The following SLC48A1 variants were observed in gnomAD, a reference collection of about 807,000 sequenced individuals.
SLC48A1 encodes the protein heme transporter HRG1.
A neutral mutation model predicts 14.8 loss-of-function variants in SLC48A1; 6 were observed. That is an observed-to-expected ratio of 0.41 (90% CI 0.22 to 0.80). SLC48A1 has a LOEUF of 0.80. SLC48A1 is among the 30% of genes least tolerant of loss of function. The pLI is 0.34. For missense variants in SLC48A1, 165 were observed against 204.8 expected (o/e 0.81, Z 1.19); for synonymous variants, 89 against 90.0 (o/e 0.99, Z 0.06).
intron 2 of SLC48A1, among the ~76,000 whole-genome samples, chr12:47,765,346 G>A (rs1433027674): frequency 1.3e-5 from 2 of 152,184 alleles, no homozygotes; most frequent in African/African-American, 2.4e-5. Context: ...CAGGCCTTGC[G>A]GGGGATAGAG....
intron 1 of SLC48A1, chr12:47,758,759 A>T: frequency 5.2e-5 from 58 of 1,117,600 alleles, no homozygotes; most frequent in Middle Eastern, 3.8e-4. Flanking sequence ...TTGGGTGAGT[A>T]GAGGGGTGGG....
rs2136862406 is a variant in SLC48A1 at position 47,773,456 on chromosome 12, G to C, written c.136+16G>C. ...GGGCTCGCAGGTACCCCGGGACGCTGGGCGGCGCGGGGCGGGTGCGCGGCT... is the reference window on the plus strand; with the variant it reads ...GGGCTCGCAGGTACCCCGGGACGCTCGGCGGCGCGGGGCGGGTGCGCGGCT... On this transcript the variant is annotated intron_variant, in intron 1 of 2. Transcript: ENST00000442218. 7.6e-7 allele frequency: 1 copy of C among 1,320,356 alleles called. No individual in the cohort carries two copies. The highest frequency in any genetic ancestry group is 3.2e-5 in the East Asian group (1 of 31,048). 81.8% of individuals were successfully genotyped at this position (1,320,356 alleles called of 1,614,324 possible).
intron 1 of SLC48A1, chr12:47,758,840 A>G: frequency 8.3e-7 from 1 of 1,204,262 alleles, no homozygotes; most frequent in Non-Finnish European, 1.0e-6. Context: ...GTCTCAGACG[A>G]AGGAGCCAGC....
upstream of SLC48A1, chr12:47,773,180 G>A (rs1421154859): frequency 4.0e-6 from 4 of 989,760 alleles, no homozygotes; most frequent in Non-Finnish European, 4.8e-6. Context: ...CTGGGGGCGG[G>A]CCGGGGGCGG....
intron 2 of SLC48A1, among the ~76,000 whole-genome samples, chr12:47,763,087 G>A (rs530890876): frequency 4.6e-4 from 70 of 152,222 alleles, no homozygotes; most frequent in Admixed American, 4.3e-3. Flanking sequence ...AAATGAACAG[G>A]AACAGTGGGC....
chr12:47,772,675 TA>T (rs57198948), upstream of SLC48A1, among the ~76,000 whole-genome samples: 24,388 of 146,102 alleles, frequency 0.17, 2,072 homozygotes, highest in Non-Finnish European at 0.19. Flanking sequence ...AGACTCTGTT[TA>T]AAAAAAAAAA....
At chr12:47,767,161 G>A (rs892630504), upstream of SLC48A1, among the ~76,000 whole-genome samples, 4 of 151,078 alleles carry the variant, frequency 2.6e-5, no homozygotes, top group Non-Finnish European at 1.5e-5. Flanking sequence ...CCACAGCCAG[G>A]GTCCTCAGCT....
chr12:47,758,294 A>G (rs1942224043), upstream of SLC48A1: 5 of 1,430,912 alleles, frequency 3.5e-6, no homozygotes, highest in Non-Finnish European at 4.6e-6. Context: ...GGCTCTTGGA[A>G]AAGATCAGGC....
chr12:47,776,131 CCTT>C (rs1307910315), intron 1 of SLC48A1, among the ~76,000 whole-genome samples: 1 of 152,202 alleles, frequency 6.6e-6, no homozygotes, highest in African/African-American at 2.4e-5. Flanking sequence ...GGCCCAGTGT[CCTT>C]CTTGTCTGCA....
chr12:47,758,529 A>G, upstream of SLC48A1: 2 of 1,612,316 alleles, frequency 1.2e-6, no homozygotes, highest in Non-Finnish European at 8.5e-7. Flanking sequence ...CTCCTCCTCA[A>G]CCCTGACCCC....
chr12:47,762,660 G>A (rs1352140222), intron 2 of SLC48A1, among the ~76,000 whole-genome samples: 1 of 152,194 alleles, frequency 6.6e-6, no homozygotes, highest in African/African-American at 2.4e-5. Flanking sequence ...TTGCGAGTGA[G>A]GAAACTGAGT....
chr12:47,760,918 C>T (rs752964259), intron 2 of SLC48A1, among the ~76,000 whole-genome samples: 5 of 152,098 alleles, frequency 3.3e-5, no homozygotes, highest in Admixed American at 6.5e-5. Flanking sequence ...AAATTGAGGC[C>T]GGGTGCGATG....
chr12:47,770,773 A>C (rs1942612639), upstream of SLC48A1: 1 of 456,332 alleles, frequency 2.2e-6, no homozygotes, highest in Non-Finnish European at 4.4e-6. Context: ...AGAGCATGCA[A>C]GGCCCTTTAT....
At chr12:47,762,023 G>A (rs755288055) in intron 2 of SLC48A1, among the ~76,000 whole-genome samples, 9 of 152,108 alleles carry the variant, frequency 5.9e-5, no homozygotes, top group Non-Finnish European at 1.2e-4. Flanking sequence ...GAAACATACT[G>A]ACAGCTCCTA....
upstream of SLC48A1, among the ~76,000 whole-genome samples, chr12:47,757,057 GC>G (rs894200707): frequency 4.5e-4 from 69 of 152,206 alleles, no homozygotes; most frequent in African/African-American, 1.6e-3. Context: ...ACTTTGGGAG[GC>G]CAAGGCAGGT....
chr12:47,758,604 G>T lies in SLC48A1; in HGVS notation c.-429G>T, dbSNP rs917358545. On this transcript the variant is annotated 5_prime_UTR_variant, in exon 1 of 5. Transcript: ENST00000547002. ...CCGTGCAGGCTCTAGCAAAAGGCTG[G>T]GGGGTCCCCAGCGACCCCCATCAGC... is the stretch of plus-strand genomic sequence containing the variant. 1.9e-6 allele frequency: 3 copies of T among 1,612,188 alleles called. No individual in the cohort carries two copies. The African/African-American group carries it at 4.0e-5, about 22-fold the overall frequency.
At chr12:47,765,328 G>A (rs1235015026) in intron 2 of SLC48A1, among the ~76,000 whole-genome samples, 2 of 152,132 alleles carry the variant, frequency 1.3e-5, no homozygotes, top group Non-Finnish European at 2.9e-5. Context: ...GAGGGCACAG[G>A]CCCCCCTCAG....
chr12:47,770,849 C>T (rs1196006836), upstream of SLC48A1: 3 of 456,722 alleles, frequency 6.6e-6, no homozygotes, highest in South Asian at 3.1e-5. Context: ...CAGCCACAAA[C>T]GACTTACAGT....
intron 2 of SLC48A1, among the ~76,000 whole-genome samples, chr12:47,779,608 T>A (rs1473356895): frequency 6.6e-6 from 1 of 152,196 alleles, no homozygotes; most frequent in Non-Finnish European, 1.5e-5. Context: ...GACCTGTGAT[T>A]GGCCAGCCCT....
Sources: gnomAD v4.1 joint callset for allele counts (sites outside exome capture counted in the v4.1 genomes callset) on GRCh38, gnomAD v4.1.1 for gene constraint, MANE v1.5 for transcripts, NCBI Gene and HGNC (gene_info 2026-07-23, HGNC 2026-07-21) for gene names.